Variants in KANK1 observed in about 807,000 individuals in gnomAD.
KANK1 encodes KN motif and ankyrin repeat domain-containing protein 1.
KANK1 carries 109 observed loss-of-function variants against 106.2 expected under a neutral mutation model. That is an observed-to-expected ratio of 1.03 (90% CI 0.88 to 1.20). The LOEUF is 1.20. Among genes scored for constraint, KANK1 ranks in the 50% most tolerant of loss-of-function variants. The pLI, the probability that KANK1 is intolerant of heterozygous loss-of-function variation, is 0.00. For missense variants in KANK1, 2,399 were observed against 1,710.7 expected (o/e 1.40, Z -7.10); for synonymous variants, 873 against 652.2 (o/e 1.34, Z -5.16).
At position 670,603 on chromosome 9, in the gene KANK1, G is replaced by A. The variant is rs531167576; in HGVS notation, c.-83-6287G>A. ...AGACCTGTGGAATCTACCTCCTACA[G>A]CATAGTGCTGCCGAACACCCACTCT... On this transcript the variant is annotated intron_variant, in intron 1 of 11. Coordinates refer to ENST00000382297, the MANE Select transcript of KANK1 (RefSeq NM_015158.5). 3.9e-5 allele frequency among the ~76,000 whole-genome samples: 6 copies of A among 152,294 alleles called. No individual in the cohort carries two copies. The East Asian group carries it at 7.7e-4, about 20-fold the overall frequency.
chr9:716,784 A>G (rs1271760079), intron 3 of KANK1, among the ~76,000 whole-genome samples: 1 of 152,228 alleles, frequency 6.6e-6, no homozygotes, highest in Non-Finnish European at 1.5e-5. Context: ...GTTCAAGCAT[A>G]GGCAACGTAG....
intron 3 of KANK1, among the ~76,000 whole-genome samples, chr9:719,740 G>A (rs1416584175): frequency 3.9e-5 from 6 of 151,942 alleles, no homozygotes; most frequent in African/African-American, 1.5e-4. Context: ...CTAGTTTTGG[G>A]TGATTTTTTT....
At chr9:543,915 A>C (rs1409257410) in intron 1 of KANK1, among the ~76,000 whole-genome samples, 1 of 152,100 alleles carries the variant, frequency 6.6e-6, no homozygotes, top group African/African-American at 2.4e-5. Context: ...TTTAATCCTG[A>C]TAATTTCTCA....
chr9:602,856 C>T (rs1160827148), intron 1 of KANK1, among the ~76,000 whole-genome samples: 2 of 151,812 alleles, frequency 1.3e-5, no homozygotes, highest in East Asian at 3.9e-4. Flanking sequence ...AGCATGACTC[C>T]TTTGTAATTT....
chr9:511,880 G>A (rs1587375930), intron 1 of KANK1, among the ~76,000 whole-genome samples: 1 of 152,084 alleles, frequency 6.6e-6, no homozygotes, highest in East Asian at 1.9e-4. Flanking sequence ...TTTGTTTTAT[G>A]GTGTTTTGGA....
rs72691329 is a variant in KANK1 at position 648,721 on chromosome 9, G to A, written c.-83-28169G>A. On this transcript the variant is annotated intron_variant, in intron 1 of 11. Coordinates refer to ENST00000382297, the MANE Select transcript of KANK1 (RefSeq NM_015158.5). ...GAGCTTCAATTTCTTTATCTGTTGC[G>A]GGGGAGAGTATCTCATGAAGCTGTT... Among the ~76,000 whole-genome samples the A allele has an allele frequency of 4.1e-3, 623 of 152,228 alleles. 1 individual carries two copies. Among genetic ancestry groups the A allele is most frequent in the African/African-American group, 0.014 (585 of 41,514 alleles).
intron 9 of KANK1, among the ~76,000 whole-genome samples, 182 bp from the exon 10 acceptor site, chr9:742,023 G>A (rs576428062): frequency 5.5e-4 from 84 of 152,234 alleles, no homozygotes; most frequent in African/African-American, 1.9e-3. Flanking sequence ...CCCTTCCTTT[G>A]CTCATAGCTC....
intron 3 of KANK1, among the ~76,000 whole-genome samples, chr9:474,681 C>G (rs1188505182): frequency 6.6e-6 from 1 of 152,180 alleles, no homozygotes; most frequent in Non-Finnish European, 1.5e-5. Context: ...CTACCCATGG[C>G]CACTTTCCCT....
intron 3 of KANK1, among the ~76,000 whole-genome samples, chr9:497,448 T>A (rs28673669): frequency 0.047 from 6,334 of 134,524 alleles, 445 homozygotes; most frequent in African/African-American, 0.19. Flanking sequence ...ACACACACAC[T>A]CACACTCACA....
rs1441399493 is a variant in KANK1, at chr9:711,503, C to T, written c.737C>T (p.Ser246Leu). The change falls in exon 3 of 12, where the codon TCA becomes TTA. Residue 246 changes from serine to leucine, a missense_variant. Ser to Leu is a moderately radical substitution (Grantham distance 145). Coordinates refer to ENST00000382297, the MANE Select transcript of KANK1 (RefSeq NM_015158.5). ...GSSIRHSPLS[S>L]GISTPVTNVS... ...TCCATCCGCCACAGCCCCCTGAGCT[C>T]AGGGATCTCCACCCCAGTGACCAAC... 1.2e-6 allele frequency: 2 copies of T among 1,614,120 alleles called. No homozygotes were observed. Among genetic ancestry groups the T allele is most frequent in the Non-Finnish European group, 1.7e-6 (2 of 1,180,016 alleles).
At chr9:610,444 TA>T (rs2136124594) in intron 1 of KANK1, among the ~76,000 whole-genome samples, 1 of 152,186 alleles carries the variant, frequency 6.6e-6, no homozygotes, top group Non-Finnish European at 1.5e-5. Context: ...GGTGAAAAAA[TA>T]AAGTACTGGT....
At chr9:680,462 A>G (rs1210249979) in intron 2 of KANK1, among the ~76,000 whole-genome samples, 1 of 152,226 alleles carries the variant, frequency 6.6e-6, no homozygotes, top group Non-Finnish European at 1.5e-5. Flanking sequence ...TGTAAAATGT[A>G]TTATGCCACA....
intron 1 of KANK1, among the ~76,000 whole-genome samples, chr9:528,469 C>CTTTTTTTTTTTTTTTTTTTTTTTTTTTT (rs36072780): frequency 2.4e-5 from 2 of 85,082 alleles, no homozygotes; most frequent in African/African-American, 4.2e-5. Context: ...TAAAAAATAA[C>CTTTTTTTTTTTTTTTTTTTTTTTTTTTT]TTTTTTTTTT....
chr9:478,471 T>A (rs1279150597), intron 3 of KANK1: 2 of 152,264 alleles, frequency 1.3e-5, no homozygotes, highest in African/African-American at 4.8e-5. Context: ...AAAGCCAGTT[T>A]CCCCATGCAC....
At chr9:486,651 T>A (rs1403063349) in intron 3 of KANK1, among the ~76,000 whole-genome samples, 2 of 152,190 alleles carry the variant, frequency 1.3e-5, no homozygotes, top group African/African-American at 4.8e-5. Flanking sequence ...TAAAAATTAA[T>A]CTAACATAAG....
rs552531134 is a variant in KANK1, at chr9:583,906, A to G, written c.-84+79152A>G. ...TAATCAAAATTTAAAAATTAAATCT[A>G]TACAATACAATTTAAAAAATAACAT... On this transcript the variant is annotated intron_variant, in intron 1 of 11. Transcript: ENST00000382297. 8.9e-4 allele frequency among the ~76,000 whole-genome samples: 136 copies of G among 152,230 alleles called. 2 individuals carry two copies. Among genetic ancestry groups the G allele is most frequent in the African/African-American group, 3.0e-3 (125 of 41,548 alleles).
At chr9:532,954 G>A (rs758368135) in intron 1 of KANK1, among the ~76,000 whole-genome samples, 27 of 152,142 alleles carry the variant, frequency 1.8e-4, no homozygotes, top group African/African-American at 6.0e-4. Flanking sequence ...GAGGCCGGGT[G>A]TTTTGCCGAC....
intron 1 of KANK1, among the ~76,000 whole-genome samples, chr9:587,255 G>T (rs1823722088): frequency 6.6e-6 from 1 of 150,996 alleles, no homozygotes; most frequent in Non-Finnish European, 1.5e-5. Flanking sequence ...CCAATGATCT[G>T]TTCAGACTGC....
At chr9:718,149 A>G (rs192970616) in intron 3 of KANK1, among the ~76,000 whole-genome samples, 304 of 152,102 alleles carry the variant, frequency 2.0e-3, no homozygotes, top group Non-Finnish European at 2.0e-3. Context: ...CTTCTTAATC[A>G]CTTTCTTTTA....
Sources: allele counts gnomAD v4.1 joint callset (sites outside exome capture counted in the v4.1 genomes callset), GRCh38; gene constraint gnomAD v4.1.1; transcripts MANE v1.5; gene names NCBI Gene and HGNC (gene_info 2026-07-23, HGNC 2026-07-21).